Variants in TENT4B observed in about 807,000 individuals in gnomAD.
The protein encoded by TENT4B is PAP associated domain containing 5.
Under a neutral mutation model 75.0 loss-of-function variants are expected in TENT4B, and 10 were observed. The ratio of observed to expected loss-of-function variants is 0.13; its 90% CI spans 0.08 to 0.23. The LOEUF (loss-of-function observed/expected upper bound fraction) is 0.23, where lower values mean the gene tolerates loss of function less well. Among genes scored for constraint, TENT4B ranks in the 10% least tolerant of loss-of-function variants. TENT4B has a pLI of 1.00. For missense variants in TENT4B, 579 were observed against 893.8 expected (o/e 0.65, Z 4.49); for synonymous variants, 350 against 357.7 (o/e 0.98, Z 0.24).
At chr16:50,214,157 G>T (rs1226292237) in intron 2 of TENT4B, 64 bp from the exon 3 acceptor site, 4 of 1,259,770 alleles carry the variant, frequency 3.2e-6, no homozygotes, top group Non-Finnish European at 4.5e-6. Context: ...CCATATCTTG[G>T]TGACTCAATA....
intron 1 of TENT4B, among the ~76,000 whole-genome samples, chr16:50,155,071 G>A (rs1038696927): frequency 6.6e-6 from 1 of 152,108 alleles, no homozygotes; most frequent in South Asian, 2.1e-4. Context: ...AGAGATTTAT[G>A]CTAATGAGTG....
rs1474693629 is a variant in TENT4B, at chr16:50,233,132, A to T, written c.*3804A>T. On this transcript the variant is annotated 3_prime_UTR_variant, in exon 12 of 12. Coordinates refer to ENST00000561678, the MANE Select transcript of TENT4B (RefSeq NM_001365324.3). ...CTAATTGAATATAAAAGTTATATTT[A>T]GTAGTTACTGTTGATAGTAATTTTC... 1.0e-6 allele frequency: 1 copy of T among 982,556 alleles called. No homozygotes were observed. Among genetic ancestry groups the T allele is most frequent in the Non-Finnish European group, 1.2e-6 (1 of 827,402 alleles). 60.9% of individuals were successfully genotyped at this position (982,556 alleles called of 1,614,324 possible). A position where few individuals can be genotyped will look rare whatever the true frequency, so the allele number is the denominator to read the frequency against.
chr16:50,163,417 C>CTTTTTTT (rs559720798), intron 1 of TENT4B, among the ~76,000 whole-genome samples: 1 of 132,986 alleles, frequency 7.5e-6, no homozygotes, highest in Non-Finnish European at 1.6e-5. Flanking sequence ...GATATAATTT[C>CTTTTTTT]TTTTTTTTTT....
intron 1 of TENT4B, among the ~76,000 whole-genome samples, chr16:50,175,045 T>C (rs1032310032): frequency 7.2e-5 from 11 of 152,082 alleles, no homozygotes; most frequent in Non-Finnish European, 1.3e-4. Flanking sequence ...CTGGCCCCTC[T>C]TACTCTTTTC....
rs966739685 is a variant in TENT4B, at chr16:50,217,450, G to T, written c.931-106G>T. On this transcript the variant is annotated intron_variant, in intron 4 of 11. Transcript: ENST00000561678. Reference sequence around the variant, plus strand: ...TATTTAGAATACTCAGTGTTCTTATGCTCTCATGAGATGATGGAGACCTCA... The same window carrying T: ...TATTTAGAATACTCAGTGTTCTTATTCTCTCATGAGATGATGGAGACCTCA... 6.6e-6 allele frequency: 4 copies of T among 607,026 alleles called. No individual in the cohort carries two copies. The East Asian group carries it at 1.2e-4, about 19-fold the overall frequency. The allele number at this position is 607,026 out of a possible 1,614,324, so 37.6% of individuals were successfully genotyped here. A position where few individuals can be genotyped will look rare whatever the true frequency, so the allele number is the denominator to read the frequency against.
At chr16:50,222,517 A>G in intron 6 of TENT4B, 83 bp downstream of exon 6, 3 of 1,464,866 alleles carry the variant, frequency 2.0e-6, no homozygotes, top group Non-Finnish European at 2.8e-6. Flanking sequence ...GAAAAAATCG[A>G]AATCAACCTG....
intron 1 of TENT4B, among the ~76,000 whole-genome samples, chr16:50,183,977 C>T (rs1047721741): frequency 3.3e-5 from 5 of 152,108 alleles, no homozygotes; most frequent in Non-Finnish European, 4.4e-5. Context: ...GTTGTGCAAC[C>T]ATCACCAGAA....
Position 50,232,804 on chromosome 16 carries a change from AT to A in TENT4B, c.*3478del, listed in dbSNP as rs1301794670. Reference sequence around the variant, plus strand: ...GACTACATCTCAGTTTTACTTTAATATTGATCTATAGTTTGATCAGTTCCTT... The same window carrying A: ...GACTACATCTCAGTTTTACTTTAATATGATCTATAGTTTGATCAGTTCCTT... On this transcript the variant is annotated 3_prime_UTR_variant, in exon 12 of 12. Coordinates refer to ENST00000561678, the MANE Select transcript of TENT4B (RefSeq NM_001365324.3). The A allele has an allele frequency of 1.0e-6, 1 of 985,204 alleles. No homozygotes were observed. The highest frequency in any genetic ancestry group is 1.2e-6 in the Non-Finnish European group (1 of 829,840). The allele number at this position is 985,204 out of a possible 1,614,324, so 61.0% of individuals were successfully genotyped here.
chr16:50,233,456 TCATCTTGTTCTAAGC>T lies in TENT4B; in HGVS notation c.*4136_*4150del. On this transcript the variant is annotated 3_prime_UTR_variant, in exon 12 of 12. Coordinates refer to ENST00000561678, the MANE Select transcript of TENT4B (RefSeq NM_001365324.3). ...ACCTAACTGGAAGCCTTTTTCTCAG[TCATCTTGTTCTAAGC>T]CATCTTGACTTCACACCCTTAGCGA... is the stretch of plus-strand genomic sequence containing the variant. 1.0e-6 allele frequency: 1 copy of T among 985,386 alleles called. No homozygotes were observed. Among genetic ancestry groups the T allele is most frequent in the African/African-American group, 1.7e-5 (1 of 57,360 alleles). The allele number at this position is 985,386 out of a possible 1,614,324, so 61.0% of individuals were successfully genotyped here.
At position 50,224,558 on chromosome 16, in the gene TENT4B, G is replaced by A. The variant is rs150950974; in HGVS notation, c.1382-99G>A. On this transcript the variant is annotated intron_variant, in intron 7 of 11. Coordinates refer to ENST00000561678, the MANE Select transcript of TENT4B (RefSeq NM_001365324.3). ...TCAGCTTCCAGGCACAACTCTGGTG[G>A]GATAACTATGGCCCTTGCTCTCCTG... 1.6e-4 allele frequency: 231 copies of A among 1,463,616 alleles called. No individual in the cohort carries two copies. The Middle Eastern group carries it at 1.7e-3, about 11-fold the overall frequency. The allele number at this position is 1,463,616 out of a possible 1,614,324, so 90.7% of individuals were successfully genotyped here. A position where few individuals can be genotyped will look rare whatever the true frequency, so the allele number is the denominator to read the frequency against.
intron 1 of TENT4B, among the ~76,000 whole-genome samples, chr16:50,180,077 G>T (rs777312657): frequency 6.6e-5 from 10 of 151,574 alleles, no homozygotes; most frequent in Non-Finnish European, 1.2e-4. Context: ...CATTTGTAGG[G>T]GAGTGATAGT....
At chr16:50,199,903 A>G (rs982118429) in intron 1 of TENT4B, among the ~76,000 whole-genome samples, 1 of 152,212 alleles carries the variant, frequency 6.6e-6, no homozygotes, top group Admixed American at 6.5e-5. Flanking sequence ...CTCCTGGGTA[A>G]CTGGGATTAC....
chr16:50,212,205 C>T (rs150055751), intron 2 of TENT4B, among the ~76,000 whole-genome samples: 16 of 152,188 alleles, frequency 1.1e-4, no homozygotes, highest in Middle Eastern at 3.4e-3. Flanking sequence ...TGCAGGTGCA[C>T]GCCACCACAC....
At position 50,234,441 on chromosome 16, in the gene TENT4B, A is replaced by G. The variant is rs1482800991; in HGVS notation, c.*5113A>G. 2 of 985,316 alleles carry G rather than the reference A, an allele frequency of 2.0e-6. No homozygotes were observed. Among genetic ancestry groups the G allele is most frequent in the African/African-American group, 3.5e-5 (2 of 57,226 alleles). The allele number at this position is 985,316 out of a possible 1,614,324, so 61.0% of individuals were successfully genotyped here. ...AGTGAAATGATGGGTTATCAGCCAC[A>G]TTCTTGGAGTTAATATTTTTCTTCA... On this transcript the variant is annotated 3_prime_UTR_variant, in exon 12 of 12. Transcript: ENST00000561678.
Position 50,153,472 on chromosome 16 carries a change from GC to G in TENT4B, c.-147del, listed in dbSNP as rs1597209249. On this transcript the variant is annotated 5_prime_UTR_variant, in exon 1 of 12. Coordinates refer to ENST00000561678, the MANE Select transcript of TENT4B (RefSeq NM_001365324.3). ...GCCGGGCTCCCTGCGCGACCGCGCC[GC>G]CCGCGGCGGGCCCCGAGCAGCAGCA... 1 of 974,040 alleles carries G rather than the reference GC, an allele frequency of 1.0e-6. No homozygotes were observed. Among genetic ancestry groups the G allele is most frequent in the East Asian group, 1.2e-4 (1 of 8,642 alleles). The allele number at this position is 974,040 out of a possible 1,614,324, so 60.3% of individuals were successfully genotyped here. A position where few individuals can be genotyped will look rare whatever the true frequency, so the allele number is the denominator to read the frequency against.
chr16:50,210,867 T>C (rs1055414709), intron 1 of TENT4B, among the ~76,000 whole-genome samples: 1 of 152,250 alleles, frequency 6.6e-6, no homozygotes, highest in African/African-American at 2.4e-5. Context: ...AAGACTTTGC[T>C]GTTGTTCACT....
Position 50,229,404 on chromosome 16 carries a change from G to C in TENT4B, c.*76G>C. On this transcript the variant is annotated 3_prime_UTR_variant, in exon 12 of 12. Transcript: ENST00000561678. ...GACAGTTGCGCAGGGACTCCTGGGAGATATTCAGGAGCCTCACACTGTTCA... is the reference window on the plus strand; with the variant it reads ...GACAGTTGCGCAGGGACTCCTGGGACATATTCAGGAGCCTCACACTGTTCA... 1 of 1,507,446 alleles carries C rather than the reference G, an allele frequency of 6.6e-7. No homozygotes were observed. 93.4% of individuals were successfully genotyped at this position (1,507,446 alleles called of 1,614,324 possible). A position where few individuals can be genotyped will look rare whatever the true frequency, so the allele number is the denominator to read the frequency against.
At chr16:50,179,689 T>G (rs1347360033) in intron 1 of TENT4B, among the ~76,000 whole-genome samples, 1 of 152,226 alleles carries the variant, frequency 6.6e-6, no homozygotes, top group African/African-American at 2.4e-5. Context: ...ACTCCAATCC[T>G]TTTTTAAAAA....
intron 6 of TENT4B, 96 bp downstream of exon 6, chr16:50,222,530 A>G: frequency 7.6e-7 from 1 of 1,308,622 alleles, no homozygotes; most frequent in Non-Finnish European, 1.1e-6. Context: ...TCAACCTGTA[A>G]TTGCATTGCT....
Sources: allele counts gnomAD v4.1 joint callset (sites outside exome capture counted in the v4.1 genomes callset), GRCh38; gene constraint gnomAD v4.1.1; transcripts MANE v1.5; gene names NCBI Gene and HGNC (gene_info 2026-07-23, HGNC 2026-07-21).